The following PRKN variants were observed in gnomAD, a reference collection of about 807,000 sequenced individuals.
PRKN encodes the protein E3 ubiquitin-protein ligase parkin.
PRKN carries 56 observed loss-of-function variants against 59.5 expected under a neutral mutation model. That is an observed-to-expected ratio of 0.94 (90% confidence interval 0.76 to 1.18). The LOEUF (loss-of-function observed/expected upper bound fraction) is 1.18, where lower values mean the gene tolerates loss of function less well. Among genes scored for constraint, PRKN ranks in the 50% most tolerant of loss-of-function variants. PRKN has a pLI of 0.00. For missense variants in PRKN, 657 were observed against 596.4 expected, an observed-to-expected ratio of 1.10 and a Z score of -1.06; for synonymous variants, 250 against 222.1, an observed-to-expected ratio of 1.13 and a Z score of -1.12.
At chr6:161,425,948 G>A (rs183998775) in intron 9 of PRKN, among the ~76,000 whole-genome samples, 3 of 152,028 alleles carry the variant, frequency 2.0e-5, no homozygotes, top group Non-Finnish European at 4.4e-5. Context: ...CCTCCTTTTA[G>A]AGACTAATAC....
chr6:162,378,696 T>C (rs1247428757), intron 2 of PRKN, among the ~76,000 whole-genome samples: 1 of 152,238 alleles, frequency 6.6e-6, no homozygotes, highest in African/African-American at 2.4e-5. Flanking sequence ...GCTTAAACTT[T>C]ATTACAAGAA....
At chr6:161,508,835 G>C (rs74689911) in intron 9 of PRKN, among the ~76,000 whole-genome samples, 1,526 of 151,312 alleles carry the variant, frequency 0.01, 19 homozygotes, top group East Asian at 0.028. Flanking sequence ...CAGTTCTTGA[G>C]TGTTATAATT....
chr6:161,941,142 T>C (rs1779551732), intron 6 of PRKN, among the ~76,000 whole-genome samples: 1 of 152,114 alleles, frequency 6.6e-6, no homozygotes, highest in Non-Finnish European at 1.5e-5. Flanking sequence ...GGGACCTAGG[T>C]GTGGACAATT....
In PRKN at chr6:161,569,202, G is replaced by A. The variant is rs145947309; in HGVS notation, c.933+153C>T. Among the ~76,000 whole-genome samples, 517 of 152,308 alleles carry A rather than the reference G, an allele frequency of 3.4e-3. 4 individuals carry two copies. The highest frequency in any genetic ancestry group is 6.1e-3 in the Non-Finnish European group (418 of 68,038). On this transcript the variant is annotated intron_variant, in intron 8 of 11. Coordinates refer to ENST00000366898, the MANE Select transcript of PRKN (RefSeq NM_004562.3). ...GTCTGATGGATAGAAGAGGAAAAAA[G>A]TGTCCTCACACATATCTCCAGCATG...
chr6:161,679,326 G>T (rs1028003716), intron 7 of PRKN, among the ~76,000 whole-genome samples: 2 of 152,100 alleles, frequency 1.3e-5, no homozygotes, highest in East Asian at 1.9e-4. Flanking sequence ...TGCTAAAGAC[G>T]CCTGCAAGAC....
chr6:162,632,273 T>C lies in PRKN; in HGVS notation c.7+95389A>G, dbSNP rs1477515076. ...AATAAACTCAGGTGTCCATCAATAG[T>C]AGACTGGATAAAGAAAATGTGGTAC... On this transcript the variant is annotated intron_variant, in intron 1 of 11. Coordinates refer to ENST00000366898, the MANE Select transcript of PRKN (RefSeq NM_004562.3). Among the ~76,000 whole-genome samples, 7 of 152,118 alleles carry C rather than the reference T, an allele frequency of 4.6e-5. No individual in the cohort carries two copies. In the South Asian group the frequency reaches 8.3e-4, roughly 18 times the overall value.
At chr6:161,449,286 A>G (rs1205086880) in intron 9 of PRKN, among the ~76,000 whole-genome samples, 3 of 152,222 alleles carry the variant, frequency 2.0e-5, no homozygotes, top group Admixed American at 2.0e-4. Context: ...GTCCAACCAG[A>G]TCACTTGCCT....
intron 2 of PRKN, among the ~76,000 whole-genome samples, chr6:162,328,447 T>C (rs781525608): frequency 1.4e-4 from 21 of 152,196 alleles, no homozygotes; most frequent in Non-Finnish European, 2.5e-4. Context: ...ATTTCTGCCT[T>C]TCCTTCACAG....
chr6:161,741,321 T>C (rs1051591000), intron 7 of PRKN, among the ~76,000 whole-genome samples: 1 of 152,092 alleles, frequency 6.6e-6, no homozygotes, highest in African/African-American at 2.4e-5. Flanking sequence ...GCCCTCAAAA[T>C]TGAAGTGTGG....
chr6:162,303,974 G>T (rs1782088860), intron 2 of PRKN, among the ~76,000 whole-genome samples: 1 of 151,874 alleles, frequency 6.6e-6, no homozygotes, highest in Non-Finnish European at 1.5e-5. Context: ...TATGTTAAAG[G>T]TCCAAATACA....
chr6:161,375,508 A>G (rs950525832), intron 10 of PRKN, among the ~76,000 whole-genome samples: 2 of 151,868 alleles, frequency 1.3e-5, no homozygotes, highest in African/African-American at 4.8e-5. Flanking sequence ...TTAAAAACCC[A>G]AACCCCCAAG....
chr6:162,150,373 T>A (rs1782216686), intron 4 of PRKN, among the ~76,000 whole-genome samples: 1 of 152,164 alleles, frequency 6.6e-6, no homozygotes, highest in Admixed American at 6.5e-5. Context: ...TTATATGCTG[T>A]CTCCAGAGCA....
In PRKN at chr6:161,497,564, C is replaced by G. The variant is rs1777799360; in HGVS notation, c.1083+51290G>C. Among the ~76,000 whole-genome samples, 1 of 111,440 alleles carries G rather than the reference C, an allele frequency of 9.0e-6. No homozygotes were observed. Among genetic ancestry groups the G allele is most frequent in the South Asian group, 2.4e-4 (1 of 4,228 alleles). The allele number at this position is 111,440 out of a possible 152,430, so 73.1% of individuals were successfully genotyped here. On this transcript the variant is annotated intron_variant, in intron 9 of 11. Coordinates refer to ENST00000366898, the MANE Select transcript of PRKN (RefSeq NM_004562.3). This position sits in a 1 kb window ranked among gnomAD's most constrained non-coding sequence, Gnocchi z 4.6. ...GCACAGTGCTTACATGTCTCTCTCT[C>G]TCTCTCTCTCTCTCACACACACACA...
chr6:162,503,439 C>T (rs1271182903), intron 1 of PRKN, among the ~76,000 whole-genome samples: 1 of 152,130 alleles, frequency 6.6e-6, no homozygotes, highest in Non-Finnish European at 1.5e-5. Context: ...GCCGGGATTA[C>T]AGGCATGAGC....
chr6:162,663,415 A>C (rs1778971039), intron 1 of PRKN, among the ~76,000 whole-genome samples: 1 of 152,138 alleles, frequency 6.6e-6, no homozygotes, highest in African/African-American at 2.4e-5. Flanking sequence ...AGGAAAAAAA[A>C]AAAAAGGAAA....
intron 6 of PRKN, among the ~76,000 whole-genome samples, chr6:161,833,019 T>A (rs2128219014): frequency 6.6e-6 from 1 of 152,146 alleles, no homozygotes; most frequent in Admixed American, 6.5e-5. Flanking sequence ...CTGCAGTCAA[T>A]AGGAAGCCTC....
chr6:161,580,561 C>T (rs1781298869), intron 7 of PRKN, among the ~76,000 whole-genome samples: 2 of 152,128 alleles, frequency 1.3e-5, no homozygotes, highest in African/African-American at 4.8e-5. Context: ...ACTGCAACCT[C>T]TGCCTCCCAG....
intron 4 of PRKN, among the ~76,000 whole-genome samples, chr6:162,174,943 A>C (rs1279911280): frequency 6.6e-6 from 1 of 152,232 alleles, no homozygotes; most frequent in East Asian, 1.9e-4. Flanking sequence ...CAGCTGGAGA[A>C]ATTCTGAGAG....
chr6:162,472,556 C>T (rs1302646556), intron 1 of PRKN, among the ~76,000 whole-genome samples: 4 of 125,382 alleles, frequency 3.2e-5, no homozygotes, highest in Admixed American at 1.7e-4. Context: ...GGCGCAATCT[C>T]GGCTCACTGC....
Sources: gnomAD v4.1 joint callset for allele counts (sites outside exome capture counted in the v4.1 genomes callset) on GRCh38, gnomAD v4.1.1 for gene constraint, Gnocchi (gnomAD v3.1) non-coding constraint, MANE v1.5 for transcripts, NCBI Gene and HGNC (gene_info 2026-07-23, HGNC 2026-07-21) for gene names.